The following CDH18 variants were observed in gnomAD, a reference collection of about 807,000 sequenced individuals.
The protein encoded by CDH18 is cadherin 18.
A neutral mutation model predicts 67.9 loss-of-function variants in CDH18; 31 were observed. That is an observed-to-expected ratio of 0.46 (90% confidence interval 0.34 to 0.62). The LOEUF (loss-of-function observed/expected upper bound fraction) is 0.62. Among genes scored for constraint, CDH18 ranks in the 20% least tolerant of loss-of-function variants. The pLI, the probability that CDH18 is intolerant of heterozygous loss-of-function variation, is 0.01. For synonymous variants in CDH18, 362 were observed against 347.2 expected (o/e 1.04, Z -0.48); for missense variants, 890 against 975.5 (o/e 0.91, Z 1.17).
intron 2 of CDH18, among the ~76,000 whole-genome samples, chr5:20,239,743 T>C (rs1742749423): frequency 6.6e-6 from 1 of 152,188 alleles, no homozygotes. Context: ...AGTGAGAATA[T>C]GAAGATGCTT....
chr5:20,256,606 G>A (rs905884377), intron 1 of CDH18, among the ~76,000 whole-genome samples: 1 of 152,002 alleles, frequency 6.6e-6, no homozygotes, highest in Non-Finnish European at 1.5e-5. Context: ...AGGGGTGGAC[G>A]AGAGAAAAGT....
chr5:19,808,333 A>AG (rs1410105610), intron 3 of CDH18, among the ~76,000 whole-genome samples: 1 of 151,918 alleles, frequency 6.6e-6, no homozygotes, highest in African/African-American at 2.4e-5. Flanking sequence ...AAAAAACAAA[A>AG]ATAAAACTGA....
At chr5:20,227,330 C>T (rs1450033073) in intron 2 of CDH18, among the ~76,000 whole-genome samples, 1 of 152,076 alleles carries the variant, frequency 6.6e-6, no homozygotes, top group Non-Finnish European at 1.5e-5. Context: ...CAGAGAGCTT[C>T]CTGTTTAATT....
chr5:20,067,813 T>C (rs1743116121), intron 2 of CDH18, among the ~76,000 whole-genome samples: 1 of 152,124 alleles, frequency 6.6e-6, no homozygotes, highest in Non-Finnish European at 1.5e-5. Flanking sequence ...AGTTCATTCC[T>C]AAGGAAAGAA....
At chr5:20,399,629 T>C (rs1031148627) in intron 1 of CDH18, among the ~76,000 whole-genome samples, 1 of 152,194 alleles carries the variant, frequency 6.6e-6, no homozygotes, top group African/African-American at 2.4e-5. Context: ...TTTAGAGATA[T>C]TAAGAGTATA....
chr5:20,573,726 T>C (rs1758935906), intron 1 of CDH18, among the ~76,000 whole-genome samples: 1 of 149,118 alleles, frequency 6.7e-6, no homozygotes, highest in African/African-American at 2.4e-5. Context: ...ACAATATACA[T>C]AAATATATGG....
At chr5:20,063,371 G>T (rs924643965) in intron 2 of CDH18, among the ~76,000 whole-genome samples, 2 of 151,872 alleles carry the variant, frequency 1.3e-5, no homozygotes, top group African/African-American at 4.8e-5. Context: ...TATAAACTCT[G>T]CATTTCAAGA....
At chr5:20,111,311 G>GCT (rs1561799081) in intron 2 of CDH18, among the ~76,000 whole-genome samples, 1 of 151,988 alleles carries the variant, frequency 6.6e-6, no homozygotes, top group Admixed American at 6.6e-5. Flanking sequence ...ATGAAGAAAG[G>GCT]CTCAGTAGGG....
At chr5:19,934,620 G>A (rs1482325929) in intron 2 of CDH18, among the ~76,000 whole-genome samples, 1 of 151,412 alleles carries the variant, frequency 6.6e-6, no homozygotes, top group East Asian at 1.9e-4. Context: ...GCTTTTACAT[G>A]CACTGAGAAT....
intron 1 of CDH18, among the ~76,000 whole-genome samples, chr5:20,386,931 T>G (rs1744361172): frequency 6.6e-6 from 1 of 152,130 alleles, no homozygotes; most frequent in Admixed American, 6.6e-5. Context: ...ATAATCAACC[T>G]TATTCATACA....
At chr5:19,839,467 C>A (rs2150027385) in intron 2 of CDH18, among the ~76,000 whole-genome samples, 1 of 152,208 alleles carries the variant, frequency 6.6e-6, no homozygotes, top group South Asian at 2.1e-4. Flanking sequence ...ATGTATAATT[C>A]TTGTTTTTGT....
intron 3 of CDH18, among the ~76,000 whole-genome samples, chr5:19,791,845 G>GAATAAGT (rs1776392714): frequency 6.6e-6 from 1 of 152,150 alleles, no homozygotes; most frequent in Admixed American, 6.6e-5. Flanking sequence ...TACACTAGCT[G>GAATAAGT]AAGTAAGTCA....
intron 5 of CDH18, among the ~76,000 whole-genome samples, chr5:19,704,633 C>T (rs896649064): frequency 6.6e-6 from 1 of 152,120 alleles, no homozygotes; most frequent in Non-Finnish European, 1.5e-5. Context: ...GTTAAGCCTC[C>T]AGAACCTATA....
At chr5:19,554,052 A>G (rs1190744812) in intron 8 of CDH18, among the ~76,000 whole-genome samples, 1 of 152,208 alleles carries the variant, frequency 6.6e-6, no homozygotes, top group Non-Finnish European at 1.5e-5. Context: ...CAAGCCATGC[A>G]TTGAGAAAAT....
intron 2 of CDH18, among the ~76,000 whole-genome samples, chr5:20,117,282 T>C (rs748053328): frequency 6.6e-6 from 1 of 152,130 alleles, no homozygotes; most frequent in Non-Finnish European, 1.5e-5. Context: ...GTAATCTGAT[T>C]TGACCTCATT....
chr5:19,590,507 T>TAGATAGATAGATAGAC (rs1334717705), intron 7 of CDH18, among the ~76,000 whole-genome samples: 5 of 149,830 alleles, frequency 3.3e-5, no homozygotes, highest in Admixed American at 6.8e-5. Flanking sequence ...GATAGATAGA[T>TAGATAGATAGATAGAC]AGACAGACAG....
chr5:19,790,908 G>A (rs533265268), intron 3 of CDH18, among the ~76,000 whole-genome samples: 63 of 152,234 alleles, frequency 4.1e-4, no homozygotes, highest in African/African-American at 1.4e-3. Flanking sequence ...AACAGAGTGG[G>A]TTTAGGGAGA....
chr5:19,863,736 T>C lies in CDH18; in HGVS notation c.-256-24494A>G, dbSNP rs1164360297. Among the ~76,000 whole-genome samples the C allele has an allele frequency of 3.3e-5, 5 of 152,084 alleles. No homozygotes were observed. In the East Asian group the frequency reaches 9.7e-4, roughly 29 times the overall value. On this transcript the variant is annotated intron_variant, in intron 2 of 12. Transcript: ENST00000382275. ...TGCAGAAGGGAGGCATAAAGCCTAA[T>C]AATCAGGTCACCAGAGAAAAGAGAC...
At chr5:20,470,049 C>T (rs551107917) in intron 1 of CDH18, among the ~76,000 whole-genome samples, 4 of 152,264 alleles carry the variant, frequency 2.6e-5, no homozygotes, top group Non-Finnish European at 2.9e-5. Context: ...ATGCATCATA[C>T]TCTGGCAGCT....
Sources: allele counts gnomAD v4.1 joint callset (sites outside exome capture counted in the v4.1 genomes callset), GRCh38; gene constraint gnomAD v4.1.1; transcripts MANE v1.5; gene names NCBI Gene and HGNC (gene_info 2026-07-23, HGNC 2026-07-21).